The following INTS8 variants were observed in gnomAD, a reference collection of about 807,000 sequenced individuals.
INTS8 encodes integrator complex subunit 8.
In INTS8, 47 loss-of-function variants were observed where a neutral mutation model predicts 138.9. That is an observed-to-expected ratio of 0.34 (90% CI 0.27 to 0.43). The LOEUF (loss-of-function observed/expected upper bound fraction) is 0.43, where lower values mean the gene tolerates loss of function less well. INTS8 is among the 20% of genes least tolerant of loss of function. INTS8 has a pLI of 1.00. For synonymous variants in INTS8, 392 were observed against 400.9 expected (o/e 0.98, Z 0.27); for missense variants, 996 against 1,173.0 (o/e 0.85, Z 2.20).
chr8:94,871,804 T>G, intron 20 of INTS8, 80 bp from the exon 21 acceptor site: 1 of 799,648 alleles, frequency 1.3e-6, no homozygotes, highest in Non-Finnish European at 2.1e-6. Context: ...TGGCTGAGTT[T>G]TTGTTTTTAA....
chr8:94,827,655 AC>A, intron 3 of INTS8, 66 bp from the exon 4 acceptor site: 1 of 1,316,360 alleles, frequency 7.6e-7, no homozygotes, highest in South Asian at 1.2e-5. Flanking sequence ...CCTAAGGAGT[AC>A]TTGAAAAAAT....
At chr8:94,858,587 T>TA (rs1815838639) in intron 15 of INTS8, among the ~76,000 whole-genome samples, 2 of 152,250 alleles carry the variant, frequency 1.3e-5, no homozygotes, top group Admixed American at 6.5e-5. Flanking sequence ...GGCATTGTTC[T>TA]AAGCTTCAGG....
At chr8:94,866,668 G>A (rs1586519962) in intron 18 of INTS8, 1 of 170,492 alleles carries the variant, frequency 5.9e-6, no homozygotes, top group Admixed American at 6.1e-5. Flanking sequence ...GACTGGAAAA[G>A]TTTGTATTGC....
chr8:94,872,371 T>C (rs936855803), intron 21 of INTS8, among the ~76,000 whole-genome samples: 4 of 152,048 alleles, frequency 2.6e-5, no homozygotes, highest in Admixed American at 2.6e-4. Flanking sequence ...GTAGCTGGGA[T>C]TATAGGCACC....
intron 16 of INTS8, among the ~76,000 whole-genome samples, chr8:94,861,256 ATTTTTTTTTTT>A (rs1210530804): frequency 1.7e-5 from 1 of 57,376 alleles, no homozygotes; most frequent in Non-Finnish European, 3.0e-5. Context: ...CCTTTTTGTA[ATTTTTTTTTTT>A]TTTTTTTTTT....
rs148042462 is a variant in INTS8, at chr8:94,842,361, A to G, written c.1133A>G (p.Asp378Gly). ...GTATTCTACAGAAATGAAGCTCTAG[A>G]TGAAATCTGTTTTAAAGTTTGTGCC... ...KKAQQGNEAL[D>G]EICFKVCACN... Residue 378 changes from aspartate (D) to glycine (G), a missense_variant, in exon 10 of 27, where the codon GAT becomes GGT. By Grantham distance (94) the Asp-to-Gly change is moderately conservative (BLOSUM62 -1). Coordinates refer to ENST00000523731, the MANE Select transcript of INTS8 (RefSeq NM_017864.4). 1.5e-5 allele frequency: 24 copies of G among 1,585,344 alleles called. No individual in the cohort carries two copies. The highest frequency in any genetic ancestry group is 2.1e-5 in the Non-Finnish European group (24 of 1,163,116).
At chr8:94,879,981 C>A in intron 26 of INTS8, 137 bp from the exon 27 acceptor site, 1 of 595,938 alleles carries the variant, frequency 1.7e-6, no homozygotes, top group Non-Finnish European at 3.0e-6. Flanking sequence ...TCCAAGACTC[C>A]TGGGTTTTAC....
At chr8:94,833,417 T>C (rs1243359372) in intron 6 of INTS8, among the ~76,000 whole-genome samples, 2 of 151,920 alleles carry the variant, frequency 1.3e-5, no homozygotes, top group African/African-American at 2.4e-5. Context: ...AGGGTCTCCC[T>C]ATGTTGCCCA....
At chr8:94,879,510 A>T (rs1174260747) in intron 26 of INTS8, among the ~76,000 whole-genome samples, 1 of 151,564 alleles carries the variant, frequency 6.6e-6, no homozygotes, top group Non-Finnish European at 1.5e-5. Flanking sequence ...CAGGAGAATC[A>T]CTTGAACCTG....
At chr8:94,869,557 A>G (rs576915866) in intron 20 of INTS8, among the ~76,000 whole-genome samples, 1 of 151,868 alleles carries the variant, frequency 6.6e-6, no homozygotes, top group East Asian at 1.9e-4. Context: ...CAGTGGCATG[A>G]TCTCAGCTCA....
At chr8:94,831,486 T>C (rs1230543835) in intron 5 of INTS8, among the ~76,000 whole-genome samples, 4 of 140,072 alleles carry the variant, frequency 2.9e-5, no homozygotes, top group African/African-American at 7.9e-5. Context: ...CTTTTTCTTT[T>C]TTTTTTTTTT....
At chr8:94,878,352 T>C (rs1392309517) in intron 26 of INTS8, among the ~76,000 whole-genome samples, 1 of 152,220 alleles carries the variant, frequency 6.6e-6, no homozygotes, top group Non-Finnish European at 1.5e-5. Context: ...TCTTCTATGC[T>C]TGAGATATAC....
Position 94,869,950 on chromosome 8 carries a change from A to AGAG in INTS8, c.2415-1932_2415-1930dup, listed in dbSNP as rs1816332709. Among the ~76,000 whole-genome samples, 16 of 152,356 alleles carry AGAG rather than the reference A, an allele frequency of 1.1e-4. 1 individual carries two copies. The South Asian group carries it at 3.3e-3, about 32-fold the overall frequency. ...GGTTTGAGCCCCAGCCTTTTCACTT[A>AGAG]GAGGTATATGACCTTCAATAAGTTG... On this transcript the variant is annotated intron_variant, in intron 20 of 26. Transcript: ENST00000523731.
chr8:94,867,186 A>G lies in INTS8; in HGVS notation c.2342A>G (p.His781Arg). Residue 781 changes from histidine (H) to arginine (R), a missense_variant, in exon 19 of 27, where the codon CAC (histidine) becomes CGC (arginine). Transcript: ENST00000523731. The part of the protein sequence containing the change: ...TIILSLFVKL[H>R]NVREDIVNDI... ...ATTTTATCACTCTTTGTGAAACTTC[A>G]CAATGTTCGGGTAAGTATTTCATAA... 1 of 1,610,210 alleles carries G rather than the reference A, an allele frequency of 6.2e-7. No homozygotes were observed. Among genetic ancestry groups the G allele is most frequent in the Non-Finnish European group, 8.5e-7 (1 of 1,177,940 alleles).
rs768643864 is a variant in INTS8 at position 94,873,424 on chromosome 8, G to T, written c.2584G>T (p.Val862Leu). 4 of 1,614,072 alleles carry T rather than the reference G, an allele frequency of 2.5e-6. No homozygotes were observed. The highest frequency in any genetic ancestry group is 3.4e-6 in the Non-Finnish European group (4 of 1,179,928). ...TCACTATTACCTCCAGGCAGGAGCTGTGTGTTCTGACTTCTTTAACAAGGC... is the reference window on the plus strand; with the variant it reads ...TCACTATTACCTCCAGGCAGGAGCTTTGTGTTCTGACTTCTTTAACAAGGC... ...ALHYYLQAGAVCSDFFNKAVP... is the reference protein window; with the variant it reads ...ALHYYLQAGALCSDFFNKAVP... Residue 862 changes from valine to leucine, a missense_variant, in exon 22 of 27, where the codon GTG (valine) becomes TTG (leucine). Val to Leu is a conservative substitution (Grantham distance 32, BLOSUM62 1). Transcript: ENST00000523731.
chr8:94,876,359 AT>A, intron 25 of INTS8, 74 bp downstream of exon 25: 1 of 1,445,180 alleles, frequency 6.9e-7, no homozygotes, highest in Non-Finnish European at 9.6e-7. Context: ...AATATTGTAT[AT>A]TTTCCAAATC....
intron 2 of INTS8, 29 bp from the exon 3 acceptor site, chr8:94,827,234 T>C: frequency 6.2e-7 from 1 of 1,600,852 alleles, no homozygotes; most frequent in South Asian, 1.1e-5. Context: ...ACAATTAATG[T>C]GCAAACATGT....
In INTS8 at chr8:94,880,319, T is replaced by C. The variant is rs558744963; in HGVS notation, c.*85T>C. The C allele has an allele frequency of 6.7e-5, 45 of 668,702 alleles. 1 individual carries two copies. The East Asian group carries it at 1.2e-3, about 18-fold the overall frequency. 41.4% of individuals were successfully genotyped at this position (668,702 alleles called of 1,614,324 possible). Reference sequence around the variant, plus strand: ...AAAGGTTAAGTTTATATAATACATATGTACACAATTAGTGGTGTTTTCTTT... The same window carrying C: ...AAAGGTTAAGTTTATATAATACATACGTACACAATTAGTGGTGTTTTCTTT... On this transcript the variant is annotated 3_prime_UTR_variant, in exon 27 of 27. Coordinates refer to ENST00000523731, the MANE Select transcript of INTS8 (RefSeq NM_017864.4).
chr8:94,848,071 T>C (rs567242544), intron 10 of INTS8, among the ~76,000 whole-genome samples: 2 of 148,978 alleles, frequency 1.3e-5, no homozygotes, highest in African/African-American at 4.9e-5. Context: ...TGCAGTGGCC[T>C]GATCTCCACT....
Sources: allele counts gnomAD v4.1 joint callset (sites outside exome capture counted in the v4.1 genomes callset), GRCh38; gene constraint gnomAD v4.1.1; transcripts MANE v1.5; gene names NCBI Gene and HGNC (gene_info 2026-07-23, HGNC 2026-07-21).